The following PLEKHA6 variants were observed in gnomAD, a reference collection of about 807,000 sequenced individuals.
PLEKHA6 encodes pleckstrin homology domain-containing family A member 6.
In PLEKHA6, 60 loss-of-function variants were observed where a neutral mutation model predicts 116.7. The observed-to-expected ratio is 0.51, with a 90% CI of 0.42 to 0.64. The LOEUF is 0.64. Among genes scored for constraint, PLEKHA6 ranks in the 30% least tolerant of loss-of-function variants. PLEKHA6 has a pLI of 0.00. For missense variants in PLEKHA6, 1,338 were observed against 1,422.7 expected, an observed-to-expected ratio of 0.94 and a Z score of 0.96; for synonymous variants, 489 against 556.1, an observed-to-expected ratio of 0.88 and a Z score of 1.70.
upstream of PLEKHA6, among the ~76,000 whole-genome samples, chr1:204,363,045 C>G (rs1673590890): frequency 6.6e-6 from 1 of 152,248 alleles, no homozygotes; most frequent in South Asian, 2.1e-4. Context: ...AAGCCTAGAG[C>G]TAGTGGGGTC....
chr1:204,257,471 C>T lies in PLEKHA6; in HGVS notation c.1406G>A (p.Arg469His), dbSNP rs572115695. The T allele has an allele frequency of 2.3e-5, 37 of 1,574,878 alleles. No individual in the cohort carries two copies. Among genetic ancestry groups the T allele is most frequent in the African/African-American group, 1.6e-4 (12 of 74,478 alleles). ...GGGTGAGCGGACAGGGGAGTAAATGCGGGCACGGCTGTAGGAGCCCTGGCT... is the reference window on the plus strand; with the variant it reads ...GGGTGAGCGGACAGGGGAGTAAATGTGGGCACGGCTGTAGGAGCCCTGGCT... Reference protein sequence around the residue: ...SPSQGSYSRARIYSPVRSPSA... With the variant: ...SPSQGSYSRAHIYSPVRSPSA... Residue 469 changes from arginine (R) to histidine (H), a missense_variant, in exon 9 of 23, where the codon CGC (arginine) becomes CAC (histidine). Physicochemically the swap from Arg to His is conservative, Grantham distance 29. Transcript: ENST00000272203. This position sits in a 1 kb window ranked among gnomAD's most constrained non-coding sequence, Gnocchi z 6.5.
Position 204,228,615 on chromosome 1 carries a change from C to A in PLEKHA6, c.2885+113G>T. 1.0e-6 allele frequency: 1 copy of A among 973,840 alleles called. No individual in the cohort carries two copies. Among genetic ancestry groups the A allele is most frequent in the Non-Finnish European group, 1.6e-6 (1 of 624,090 alleles). The allele number at this position is 973,840 out of a possible 1,614,324, so 60.3% of individuals were successfully genotyped here. ...CCCTGTCTGCTGCCTGGAGTCACCA[C>A]CTCGATGTGCTCTCCCCTGGGGAGG... On this transcript the variant is annotated intron_variant, in intron 20 of 22. Coordinates refer to ENST00000272203, the MANE Select transcript of PLEKHA6 (RefSeq NM_014935.5). The surrounding 1 kb of genome is among the most constrained non-coding windows in gnomAD (Gnocchi z 4.0).
chr1:204,297,044 T>G, intron 1 of PLEKHA6: 1 of 915,256 alleles, frequency 1.1e-6, no homozygotes, highest in Non-Finnish European at 1.3e-6. Flanking sequence ...TACCCATCCC[T>G]GCAGATTTCT....
At chr1:204,289,081 G>T (rs1354656641) in intron 1 of PLEKHA6, among the ~76,000 whole-genome samples, 1 of 152,148 alleles carries the variant, frequency 6.6e-6, no homozygotes. Flanking sequence ...AATGAGCAGC[G>T]CCGGGCTTGT....
At chr1:204,367,575 TAC>T (rs1483152733) in intron 3 of PLEKHA6, among the ~76,000 whole-genome samples, 2 of 152,092 alleles carry the variant, frequency 1.3e-5, no homozygotes, top group Non-Finnish European at 2.9e-5. Flanking sequence ...CCAGGAAACT[TAC>T]CAGGACTGAC....
At position 204,219,622 on chromosome 1, in the gene PLEKHA6, G is replaced by A. The variant is rs927096003; in HGVS notation, c.*3166C>T. The stretch of plus-strand genomic sequence containing the variant: ...CGACAGGGTGTCAGTAAATGCCCCA[G>A]GTGGGAGGCCAGGCTTCAAACGCTG... On this transcript the variant is annotated 3_prime_UTR_variant, in exon 23 of 23. Transcript: ENST00000272203. The A allele has an allele frequency of 5.3e-5, 8 of 152,222 alleles. No individual in the cohort carries two copies. Among genetic ancestry groups the A allele is most frequent in the Admixed American group, 5.2e-4 (8 of 15,288 alleles). The allele number at this position is 152,222 out of a possible 1,614,324, so 9.4% of individuals were successfully genotyped here.
Position 204,241,847 on chromosome 1 carries a change from T to C in PLEKHA6, c.2173-33A>G, listed in dbSNP as rs761128932. The C allele has an allele frequency of 1.2e-5, 20 of 1,612,910 alleles. No individual in the cohort carries two copies. In the Admixed American group the frequency reaches 3.3e-4, roughly 27 times the overall value. On this transcript the variant is annotated intron_variant, in intron 15 of 22. Transcript: ENST00000272203. ...GAAAGGGTGAGAAGATGGTTGATGT[T>C]AGTATGGCTGTCAGGAACTTGGCCC...
At chr1:204,263,898 T>C (rs942381097) in intron 6 of PLEKHA6, among the ~76,000 whole-genome samples, 27 of 152,166 alleles carry the variant, frequency 1.8e-4, no homozygotes, top group African/African-American at 6.3e-4. Context: ...CCCGGGAGGC[T>C]GGAAACTAAT....
chr1:204,316,032 T>A (rs1211953494), intron 1 of PLEKHA6, among the ~76,000 whole-genome samples: 5 of 152,170 alleles, frequency 3.3e-5, no homozygotes, highest in African/African-American at 1.2e-4. Context: ...TCCTCATAAC[T>A]AAATGAAGCT....
At chr1:204,373,608 A>G (rs1242949411) in intron 1 of PLEKHA6, among the ~76,000 whole-genome samples, 1 of 152,206 alleles carries the variant, frequency 6.6e-6, no homozygotes, top group Non-Finnish European at 1.5e-5. Context: ...AGGAAACACC[A>G]CAGTGTGTTC....
At chr1:204,320,385 AGCCAT>A in intron 1 of PLEKHA6, 1 of 520,088 alleles carries the variant, frequency 1.9e-6, no homozygotes, top group Non-Finnish European at 2.5e-6. Context: ...CTGAGGAAGG[AGCCAT>A]GCCCTCCATC....
intron 1 of PLEKHA6, among the ~76,000 whole-genome samples, chr1:204,351,565 A>C (rs1393791340): frequency 6.6e-6 from 1 of 152,230 alleles, no homozygotes; most frequent in Non-Finnish European, 1.5e-5. Flanking sequence ...AAAAATCATA[A>C]GGAAGAGCTA....
In PLEKHA6 at chr1:204,228,073, C is replaced by T. The variant is rs763919606; in HGVS notation, c.3031+10G>A. 6 of 1,610,544 alleles carry T rather than the reference C, an allele frequency of 3.7e-6. No individual in the cohort carries two copies. The South Asian group carries it at 5.5e-5, about 15-fold the overall frequency. On this transcript the variant is annotated intron_variant, in intron 21 of 22. Transcript: ENST00000272203. This position sits in a 1 kb window ranked among gnomAD's most constrained non-coding sequence, Gnocchi z 4.0. ...CCTGGCAGGGTGGAGCGAGGCCCAG[C>T]CCCTCTCACCAGACAGCATGCGGCC...
At chr1:204,368,979 G>A (rs1673721292) in intron 2 of PLEKHA6, 1 of 152,224 alleles carries the variant, frequency 6.6e-6, no homozygotes, top group Admixed American at 6.5e-5. Context: ...AGCAGTGCCT[G>A]GGTTCTGCAG....
intron 1 of PLEKHA6, among the ~76,000 whole-genome samples, chr1:204,333,953 G>A (rs912080271): frequency 2.6e-5 from 4 of 152,198 alleles, no homozygotes; most frequent in Non-Finnish European, 5.9e-5. Flanking sequence ...TATTTAAAAT[G>A]GTAAGGTCCC....
At chr1:204,286,551 C>T (rs966541644) in intron 1 of PLEKHA6, among the ~76,000 whole-genome samples, 3 of 152,182 alleles carry the variant, frequency 2.0e-5, no homozygotes, top group African/African-American at 7.2e-5. Flanking sequence ...AGCAACTATT[C>T]TGCACCTGCA....
At position 204,332,572 on chromosome 1, in the gene PLEKHA6, G is replaced by A. The variant is rs183746662; in HGVS notation, c.-95+27122C>T. ...AATTTTTGTATTTTTAGTAGAGATG[G>A]GGTTTCACCATGTTGGCCAGGCTGG... On this transcript the variant is annotated intron_variant, in intron 1 of 22. Transcript: ENST00000272203. 1.6e-4 allele frequency among the ~76,000 whole-genome samples: 25 copies of A among 152,242 alleles called. 1 individual carries two copies. The highest frequency in any genetic ancestry group is 5.8e-4 in the African/African-American group (24 of 41,524).
chr1:204,301,357 C>T (rs1670796350), intron 1 of PLEKHA6: 2 of 968,038 alleles, frequency 2.1e-6, no homozygotes, highest in East Asian at 1.1e-4. Flanking sequence ...TGGCATGGGA[C>T]AGGGGAGAGG....
In PLEKHA6 at chr1:204,241,718, C is replaced by T. The variant is rs750963374; in HGVS notation, c.2269G>A (p.Val757Ile). 3 of 1,609,920 alleles carry T rather than the reference C, an allele frequency of 1.9e-6. No homozygotes were observed. Among genetic ancestry groups the T allele is most frequent in the African/African-American group, 2.7e-5 (2 of 74,660 alleles). The change falls in exon 16 of 23, where the codon GTA (valine) becomes ATA (isoleucine). Residue 757 changes from valine to isoleucine, a missense_variant. This residue lies in a region of PLEKHA6 where 1,136 missense variants were observed against 1,163.6 expected (regional missense o/e 0.98). Transcript: ENST00000272203. ...AGAGCTGCCTGCTTCTCTGCCTCTA[C>T]CTCTTGCCTGGTGGGCACAAGGCTG... Reference protein sequence around the residue: ...DISLVPTRQEVEAEKQAALNK... With the variant: ...DISLVPTRQEIEAEKQAALNK...
Sources: allele counts gnomAD v4.1 joint callset (sites outside exome capture counted in the v4.1 genomes callset), GRCh38; gene constraint gnomAD v4.1.1; regional missense constraint gnomAD v4.1.1; non-coding constraint Gnocchi (gnomAD v3.1); transcripts MANE v1.5; gene names NCBI Gene and HGNC (gene_info 2026-07-23, HGNC 2026-07-21).